Variants in WIPF2 observed in about 807,000 individuals in gnomAD.
The protein encoded by WIPF2 is WAS/WASL interacting protein family member 2, also known as WAS/WASL-interacting protein family member 2.
WIPF2 carries 23 observed loss-of-function variants against 38.8 expected under a neutral mutation model. The ratio of observed to expected loss-of-function variants is 0.59; its 90% CI spans 0.43 to 0.84. The LOEUF is 0.84. Among genes scored for constraint, WIPF2 ranks in the 40% least tolerant of loss-of-function variants. The pLI, the probability that WIPF2 is intolerant of heterozygous loss-of-function variation, is 0.00. For missense variants in WIPF2, 574 were observed against 580.5 expected (o/e 0.99, Z 0.11); for synonymous variants, 210 against 223.2 (o/e 0.94, Z 0.53).
At position 40,256,423 on chromosome 17, in the gene WIPF2, C is replaced by T. The variant is rs1408477527; in HGVS notation, c.-37C>T. On this transcript the variant is annotated 5_prime_UTR_variant, in exon 2 of 8. In the 5' UTR this introduces an upstream ATG that the reference lacks. Coordinates refer to ENST00000323571, the MANE Select transcript of WIPF2 (RefSeq NM_133264.5). ...AATGACCTAAAGGTACAAATAAAGA[C>T]GGAGAGAGAACAGTGCCAACTGGGA... is the stretch of plus-strand genomic sequence containing the variant. 4.4e-6 allele frequency: 7 copies of T among 1,593,518 alleles called. No homozygotes were observed. The highest frequency in any genetic ancestry group is 1.8e-5 in the Admixed American group (1 of 54,694).
chr17:40,251,864 C>A (rs1898808549), intron 1 of WIPF2, among the ~76,000 whole-genome samples: 1 of 152,198 alleles, frequency 6.6e-6, no homozygotes, highest in Admixed American at 6.5e-5. Context: ...CATACAATCC[C>A]TGTGGAGCCA....
chr17:40,242,627 C>G (rs1406708350), intron 1 of WIPF2, among the ~76,000 whole-genome samples: 1 of 152,108 alleles, frequency 6.6e-6, no homozygotes, highest in Non-Finnish European at 1.5e-5. Context: ...GTCTCAAACT[C>G]CTGACCTTAG....
At chr17:40,255,956 A>G (rs2048186554) in intron 1 of WIPF2, among the ~76,000 whole-genome samples, 1 of 152,018 alleles carries the variant, frequency 6.6e-6, no homozygotes, top group South Asian at 2.1e-4. Flanking sequence ...GCTGGGCGTA[A>G]TGACATGCAT....
chr17:40,232,340 C>G (rs1041380765), intron 1 of WIPF2, among the ~76,000 whole-genome samples: 1 of 151,672 alleles, frequency 6.6e-6, no homozygotes, highest in South Asian at 2.1e-4. Flanking sequence ...CAGGTGCACG[C>G]CACCACACAC....
At chr17:40,267,265 C>G (rs960400701) in intron 5 of WIPF2, among the ~76,000 whole-genome samples, 2 of 151,992 alleles carry the variant, frequency 1.3e-5, no homozygotes, top group South Asian at 2.1e-4. Flanking sequence ...ATGTGCGACT[C>G]TAAGGGAGAG....
intron 1 of WIPF2, among the ~76,000 whole-genome samples, chr17:40,247,508 C>T (rs1479501566): frequency 4.0e-5 from 6 of 150,026 alleles, no homozygotes; most frequent in South Asian, 4.2e-4. Flanking sequence ...CGTGAGCCAA[C>T]GCGCCTGGCC....
rs777008612 is a variant in WIPF2 at position 40,264,498 on chromosome 17, G to A, written c.322G>A (p.Ala108Thr). 4.0e-5 allele frequency: 65 copies of A among 1,613,934 alleles called. No homozygotes were observed. The highest frequency in any genetic ancestry group is 1.0e-5 in the Non-Finnish European group (12 of 1,180,012). ...TGTCTATGTATTTGTAGAGAACCTA[G>A]CTGGTAAGCCAGCCCTGCAAATCCC... Reference protein sequence around the residue: ...VGAKDGSENLAGKPALQIPSS... With the variant: ...VGAKDGSENLTGKPALQIPSS... Residue 108 changes from alanine (A) to threonine (T), a missense_variant, in exon 5 of 8, where the codon GCT becomes ACT. Transcript: ENST00000323571.
Position 40,278,264 on chromosome 17 carries a change from C to T in WIPF2, c.*39C>T. 6.2e-7 allele frequency: 1 copy of T among 1,607,172 alleles called. No individual in the cohort carries two copies. Among genetic ancestry groups the T allele is most frequent in the South Asian group, 1.1e-5 (1 of 89,976 alleles). ...CCCGTTCCTCAGGAAAAGGATGGAC[C>T]TTCTCTTCTTCTCAGATGGTCCCTT... is the stretch of plus-strand genomic sequence containing the variant. On this transcript the variant is annotated 3_prime_UTR_variant, in exon 8 of 8. Coordinates refer to ENST00000323571, the MANE Select transcript of WIPF2 (RefSeq NM_133264.5).
chr17:40,269,600 C>CTTTTTTT (rs1018733815), intron 5 of WIPF2, among the ~76,000 whole-genome samples: 7 of 109,804 alleles, frequency 6.4e-5, no homozygotes, highest in Non-Finnish European at 9.3e-5. Flanking sequence ...AAAACACTGT[C>CTTTTTTT]TTTTTTTTTT....
At chr17:40,262,416 G>GTTTTTTT (rs2031942049) in intron 3 of WIPF2, 109 bp from the exon 4 acceptor site, 10 of 815,160 alleles carry the variant, frequency 1.2e-5, no homozygotes, top group Admixed American at 4.8e-5. Context: ...AAACAAGACT[G>GTTTTTTT]GTTTGTTTGC....
intron 2 of WIPF2, 49 bp downstream of exon 2, chr17:40,256,571 T>G: frequency 6.5e-7 from 1 of 1,549,034 alleles, no homozygotes; most frequent in Non-Finnish European, 8.6e-7. Context: ...AGTAAATAGG[T>G]TGATGGTCCT....
chr17:40,275,589 C>T (rs939747236), intron 6 of WIPF2, among the ~76,000 whole-genome samples: 9 of 151,596 alleles, frequency 5.9e-5, no homozygotes, highest in African/African-American at 1.2e-4. Flanking sequence ...TTTGAGATAG[C>T]GTCTTGCTTT....
chr17:40,241,610 A>G (rs1185506021), intron 1 of WIPF2, among the ~76,000 whole-genome samples: 1 of 152,164 alleles, frequency 6.6e-6, no homozygotes, highest in Non-Finnish European at 1.5e-5. Flanking sequence ...CTAGTTATGA[A>G]CATTGAGCTG....
At chr17:40,276,755 A>C (rs967793500) in intron 6 of WIPF2, among the ~76,000 whole-genome samples, 12 of 152,120 alleles carry the variant, frequency 7.9e-5, no homozygotes, top group Admixed American at 2.0e-4. Context: ...TCTACTAAAA[A>C]TACAGAAAAC....
chr17:40,233,368 G>A (rs1405450537), intron 1 of WIPF2, among the ~76,000 whole-genome samples: 2 of 151,812 alleles, frequency 1.3e-5, no homozygotes, highest in African/African-American at 2.4e-5. Flanking sequence ...GTACTACAAG[G>A]CTTATAATTA....
chr17:40,270,226 C>T (rs560963833), intron 5 of WIPF2, among the ~76,000 whole-genome samples: 21 of 151,604 alleles, frequency 1.4e-4, no homozygotes, highest in Admixed American at 8.5e-4. Flanking sequence ...ATGAGCCGGG[C>T]GTGGTGGCGG....
chr17:40,228,250 C>T (rs1243881443), intron 1 of WIPF2, among the ~76,000 whole-genome samples: 8 of 151,402 alleles, frequency 5.3e-5, no homozygotes, highest in East Asian at 3.9e-4. Flanking sequence ...CTCCTGACCT[C>T]GTGATCCGCC....
At position 40,277,161 on chromosome 17, in the gene WIPF2, T is replaced by A; in HGVS notation, c.1259T>A (p.Ile420Lys). ...GAAGAATATAAACACTTTCAGAGGATATATCCCAGCAAAACAAACCGAGGT... is the reference window on the plus strand; with the variant it reads ...GAAGAATATAAACACTTTCAGAGGAAATATCCCAGCAAAACAAACCGAGGT... The part of the protein sequence containing the change: ...APEEYKHFQR[I>K]YPSKTNRAAR... The change falls in exon 7 of 8, where the codon ATA (isoleucine) becomes AAA (lysine). Residue 420 changes from isoleucine (I) to lysine (K), a missense_variant. Transcript: ENST00000323571. 4 of 1,612,882 alleles carry A rather than the reference T, an allele frequency of 2.5e-6. No individual in the cohort carries two copies. Among genetic ancestry groups the A allele is most frequent in the Non-Finnish European group, 3.4e-6 (4 of 1,179,314 alleles).
chr17:40,252,311 C>T (rs1483369040), intron 1 of WIPF2, among the ~76,000 whole-genome samples: 1 of 152,040 alleles, frequency 6.6e-6, no homozygotes, highest in Non-Finnish European at 1.5e-5. Flanking sequence ...TTGTCTGAGT[C>T]TTTTTTGGGT....
Sources: allele counts gnomAD v4.1 joint callset (sites outside exome capture counted in the v4.1 genomes callset), GRCh38; gene constraint gnomAD v4.1.1; transcripts MANE v1.5; gene names NCBI Gene and HGNC (gene_info 2026-07-23, HGNC 2026-07-21).